Variants in CCDC73 observed in about 807,000 individuals in gnomAD.
The protein encoded by CCDC73 is coiled-coil domain-containing protein 73.
A neutral mutation model predicts 116.5 loss-of-function variants in CCDC73; 95 were observed. The observed-to-expected ratio is 0.82, with a 90% CI of 0.69 to 0.97. The LOEUF is 0.97. Ranked by LOEUF, CCDC73 falls within the 50% of genes least tolerant of loss-of-function variation. The probability of loss-of-function intolerance (pLI) is 0.00; values close to 1 mark genes in which losing one functional copy is unlikely to be tolerated. For synonymous variants in CCDC73, 398 were observed against 401.3 expected, an observed-to-expected ratio of 0.99 and a Z score of 0.10; for missense variants, 1,066 against 1,206.8, an observed-to-expected ratio of 0.88 and a Z score of 1.73.
rs753859424 is a variant in CCDC73, at chr11:32,683,575, C to A, written c.391-1G>T. 1.4e-6 allele frequency: 2 copies of A among 1,478,416 alleles called. No homozygotes were observed. Among genetic ancestry groups the A allele is most frequent in the Admixed American group, 1.8e-5 (1 of 56,214 alleles). 91.6% of individuals were successfully genotyped at this position (1,478,416 alleles called of 1,614,324 possible). On this transcript the variant is annotated splice_acceptor_variant, in intron 6 of 17. Transcript: ENST00000335185. LOFTEE classifies it high-confidence loss of function. ...TCTTCTGTAAAGAGTATTTAGAAACCTTGAAAAATAAGGGGGAAAAATCTC... is the reference window on the plus strand; with the variant it reads ...TCTTCTGTAAAGAGTATTTAGAAACATTGAAAAATAAGGGGGAAAAATCTC...
intron 2 of CCDC73, among the ~76,000 whole-genome samples, chr11:32,736,775 T>C (rs1290936608): frequency 2.6e-5 from 4 of 151,882 alleles, no homozygotes; most frequent in Admixed American, 2.6e-4. Context: ...TGTCCATCAA[T>C]GATAGACTGG....
At chr11:32,634,695 T>A (rs1437371225) in intron 14 of CCDC73, among the ~76,000 whole-genome samples, 1 of 152,192 alleles carries the variant, frequency 6.6e-6, no homozygotes, top group Non-Finnish European at 1.5e-5. Context: ...CATACAGCAT[T>A]TTAGAAAGAA....
chr11:32,820,205 T>C, the CCDC73 span, among the ~76,000 whole-genome samples: 1 of 152,050 alleles, frequency 6.6e-6, no homozygotes, highest in South Asian at 2.1e-4. Flanking sequence ...CAGACTGGAG[T>C]GTAGTGGCGT....
chr11:32,779,236 A>G (rs1450942400), intron 1 of CCDC73, among the ~76,000 whole-genome samples: 1 of 131,884 alleles, frequency 7.6e-6, no homozygotes, highest in Non-Finnish European at 1.6e-5. Context: ...CTATGTTATC[A>G]TTTTCCAATT....
chr11:32,612,647 G>T (rs1417489739), intron 16 of CCDC73, among the ~76,000 whole-genome samples: 1 of 151,768 alleles, frequency 6.6e-6, no homozygotes, highest in African/African-American at 2.4e-5. Flanking sequence ...TGAGGTGGGA[G>T]GATTCCTTCA....
At chr11:32,710,420 C>T (rs955838815) in intron 3 of CCDC73, among the ~76,000 whole-genome samples, 1 of 152,122 alleles carries the variant, frequency 6.6e-6, no homozygotes, top group Non-Finnish European at 1.5e-5. Flanking sequence ...TTTTAAATTT[C>T]CATCTTGATT....
intron 12 of CCDC73, among the ~76,000 whole-genome samples, chr11:32,650,248 A>G (rs1019797128): frequency 1.3e-5 from 2 of 152,214 alleles, no homozygotes; most frequent in African/African-American, 2.4e-5. Context: ...ATATCTTAAC[A>G]GTATGTTATA....
intron 9 of CCDC73, among the ~76,000 whole-genome samples, chr11:32,659,190 T>G (rs1278533253): frequency 1.3e-5 from 2 of 152,166 alleles, no homozygotes; most frequent in East Asian, 3.8e-4. Context: ...GGCAGCAAGA[T>G]AGCTTCCTTT....
In CCDC73 at chr11:32,648,167, C is replaced by T. The variant is rs559520657; in HGVS notation, c.939+4956G>A. 2.0e-5 allele frequency among the ~76,000 whole-genome samples: 3 copies of T among 152,360 alleles called. No individual in the cohort carries two copies. In the South Asian group the frequency reaches 6.2e-4, roughly 32 times the overall value. ...TTTCTGCCTTCAGCTGCATACTGTA[C>T]TTCTAGAGGCACATGATACTTGCAA... On this transcript the variant is annotated intron_variant, in intron 12 of 17. Coordinates refer to ENST00000335185, the MANE Select transcript of CCDC73 (RefSeq NM_001008391.4).
chr11:32,735,420 C>T lies in CCDC73; in HGVS notation c.136-17273G>A, dbSNP rs182485935. On this transcript the variant is annotated intron_variant, in intron 2 of 17. Transcript: ENST00000335185. The stretch of plus-strand genomic sequence containing the variant: ...ATGAGTGAACTCCCATTCACAGTTG[C>T]TTCAAAGAGAATAAAATACCTAGGA... Among the ~76,000 whole-genome samples, 382 of 152,274 alleles carry T rather than the reference C, an allele frequency of 2.5e-3. 2 individuals are homozygous for T. Among genetic ancestry groups the T allele is most frequent in the Non-Finnish European group, 2.2e-3 (150 of 68,016 alleles).
At position 32,784,117 on chromosome 11, in the gene CCDC73, G is replaced by T. The variant is rs149668509; in HGVS notation, c.-16+10496C>A. ...GGCCAAGGTGGGCAGATCACCTAAG[G>T]TCGGGAGTTCAAGACCAGCCTGACC... On this transcript the variant is annotated intron_variant, in intron 1 of 17. Transcript: ENST00000335185. 3.6e-4 allele frequency among the ~76,000 whole-genome samples: 55 copies of T among 152,230 alleles called. No individual in the cohort carries two copies. In the East Asian group the frequency reaches 0.01, roughly 28 times the overall value.
chr11:32,609,239 T>C (rs1043875110), intron 17 of CCDC73, among the ~76,000 whole-genome samples: 4 of 152,344 alleles, frequency 2.6e-5, no homozygotes, highest in Admixed American at 6.5e-5. Flanking sequence ...CTTATAAAAC[T>C]GAATGCCTTT....
rs145946389 is a variant in CCDC73, at chr11:32,666,638, T to C, written c.645+8927A>G. Among the ~76,000 whole-genome samples the C allele has an allele frequency of 7.2e-3, 1,093 of 152,310 alleles. 12 individuals carry two copies. The highest frequency in any genetic ancestry group is 0.025 in the African/African-American group (1,022 of 41,574). ...TTTAGCTCGGAGAAGTTTGATTGTC[T>C]GAAGCCTTCTGCTCTCAACCCGTCA... On this transcript the variant is annotated intron_variant, in intron 9 of 17. Coordinates refer to ENST00000335185, the MANE Select transcript of CCDC73 (RefSeq NM_001008391.4).
intron 3 of CCDC73, 58 bp downstream of exon 3, chr11:32,718,018 G>A: frequency 8.3e-7 from 1 of 1,207,162 alleles, no homozygotes; most frequent in Non-Finnish European, 1.2e-6. Flanking sequence ...GGGGTTACGG[G>A]GATTACAATT....
chr11:32,654,746 C>T (rs897835387), intron 10 of CCDC73, 98 bp downstream of exon 10: 1 of 928,776 alleles, frequency 1.1e-6, no homozygotes, highest in Non-Finnish European at 1.5e-6. Flanking sequence ...TGCATATTGA[C>T]TTTGCAAAGG....
At chr11:32,668,735 T>C (rs796267505) in intron 9 of CCDC73, among the ~76,000 whole-genome samples, 48 of 152,318 alleles carry the variant, frequency 3.2e-4, no homozygotes, top group African/African-American at 1.0e-3. Flanking sequence ...ATCACCATGT[T>C]ACACATAGAT....
At chr11:32,710,146 T>C (rs1849886837) in intron 3 of CCDC73, among the ~76,000 whole-genome samples, 1 of 152,192 alleles carries the variant, frequency 6.6e-6, no homozygotes, top group African/African-American at 2.4e-5. Flanking sequence ...AAGAATCAGT[T>C]TTTTGTTTAT....
chr11:32,654,147 G>A (rs934550544), intron 10 of CCDC73, 110 bp from the exon 11 acceptor site: 1 of 938,714 alleles, frequency 1.1e-6, no homozygotes, highest in Non-Finnish European at 1.5e-6. Flanking sequence ...TACCCCCAGA[G>A]TACCCACATT....
intron 2 of CCDC73, among the ~76,000 whole-genome samples, chr11:32,730,880 A>G (rs191448469): frequency 1.1e-3 from 165 of 152,236 alleles, no homozygotes; most frequent in African/African-American, 3.7e-3. Flanking sequence ...TGCATTTCCA[A>G]CTGAGGTACC....
Sources: allele counts gnomAD v4.1 joint callset (sites outside exome capture counted in the v4.1 genomes callset), GRCh38; gene constraint gnomAD v4.1.1; transcripts MANE v1.5; gene names NCBI Gene and HGNC (gene_info 2026-07-23, HGNC 2026-07-21).